The following ABCC1 variants were observed in gnomAD, a reference collection of about 807,000 sequenced individuals.
ABCC1 encodes ATP binding cassette subfamily C member 1 (ABCC1 blood group).
Under a neutral mutation model 172.9 loss-of-function variants are expected in ABCC1, and 83 were observed. The ratio of observed to expected loss-of-function variants is 0.48; its 90% CI spans 0.40 to 0.58. The LOEUF (loss-of-function observed/expected upper bound fraction) is 0.58. Among genes scored for constraint, ABCC1 ranks in the 20% least tolerant of loss-of-function variants. The probability of loss-of-function intolerance (pLI) is 0.00; values close to 1 mark genes in which losing one functional copy is unlikely to be tolerated. For missense variants in ABCC1, 1,817 were observed against 2,002.7 expected (o/e 0.91, Z 1.77); for synonymous variants, 937 against 825.2 (o/e 1.14, Z -2.32).
At chr16:15,996,896 G>T (rs900234548) in intron 1 of ABCC1, among the ~76,000 whole-genome samples, 1 of 152,134 alleles carries the variant, frequency 6.6e-6, no homozygotes, top group Admixed American at 6.6e-5. Context: ...ATTCAGCCCA[G>T]AAAACATGAC....
At chr16:16,127,068 A>G (rs1241040041) in intron 26 of ABCC1, among the ~76,000 whole-genome samples, 1 of 152,182 alleles carries the variant, frequency 6.6e-6, no homozygotes, top group African/African-American at 2.4e-5. Flanking sequence ...ACAGCAGCAC[A>G]AGTAGGAACA....
At chr16:15,994,290 G>T (rs921147748) in intron 1 of ABCC1, among the ~76,000 whole-genome samples, 6 of 152,136 alleles carry the variant, frequency 3.9e-5, no homozygotes, top group Admixed American at 3.9e-4. Context: ...AGAGGTGGTG[G>T]ATCTCAGTGT....
chr16:16,059,323 C>G (rs964775462), intron 12 of ABCC1, among the ~76,000 whole-genome samples: 1 of 152,104 alleles, frequency 6.6e-6, no homozygotes, highest in Non-Finnish European at 1.5e-5. Flanking sequence ...TTCGGAATTC[C>G]GGGCCATACA....
At chr16:16,071,414 T>G (rs1480818620) in intron 13 of ABCC1, among the ~76,000 whole-genome samples, 2 of 152,136 alleles carry the variant, frequency 1.3e-5, no homozygotes, top group African/African-American at 4.8e-5. Context: ...CCATTTTTTC[T>G]GAAATACCTT....
intron 1 of ABCC1, among the ~76,000 whole-genome samples, chr16:15,980,274 G>A (rs1272376746): frequency 6.6e-6 from 1 of 152,154 alleles, no homozygotes; most frequent in East Asian, 1.9e-4. Flanking sequence ...AGAGGCCAAG[G>A]TGGGAAGATT....
At chr16:16,019,185 A>T (rs571366846) in intron 5 of ABCC1, among the ~76,000 whole-genome samples, 1 of 151,510 alleles carries the variant, frequency 6.6e-6, no homozygotes, top group Non-Finnish European at 1.5e-5. Flanking sequence ...GCCCACTGCA[A>T]CCCCGCCTCC....
intron 23 of ABCC1, 144 bp from the exon 24 acceptor site, chr16:16,121,831 G>T: frequency 1.4e-6 from 1 of 721,310 alleles, no homozygotes; most frequent in Non-Finnish European, 2.3e-6. Flanking sequence ...AGGTGAGTGG[G>T]CACCCCTGTG....
At chr16:16,040,064 T>TGTATGTATGTATGTA (rs34325137) in intron 7 of ABCC1, among the ~76,000 whole-genome samples, 19 of 134,780 alleles carry the variant, frequency 1.4e-4, no homozygotes, top group East Asian at 4.2e-4. Flanking sequence ...GTTTGTTTGT[T>TGTATGTATGTATGTA]TGTATGTATG....
chr16:16,045,528 C>G (rs1313114871), intron 8 of ABCC1, among the ~76,000 whole-genome samples: 1 of 152,082 alleles, frequency 6.6e-6, no homozygotes, highest in Admixed American at 6.6e-5. Context: ...GCTACACATC[C>G]CTTCTCTTTT....
rs1228626811 is a variant in ABCC1, at chr16:16,009,638, T to G, written c.226-138T>G. On this transcript the variant is annotated intron_variant, in intron 2 of 30. Transcript: ENST00000399410. ...GGACTTGTCCTTATTCCAGTGGATA[T>G]GTGCCATGTCCTAGGACTGTGGCTG... The G allele has an allele frequency of 3.5e-6, 3 of 856,058 alleles. No individual in the cohort carries two copies. The African/African-American group carries it at 5.3e-5, about 15-fold the overall frequency. 53.0% of individuals were successfully genotyped at this position (856,058 alleles called of 1,614,324 possible). A position where few individuals can be genotyped will look rare whatever the true frequency, so the allele number is the denominator to read the frequency against.
intron 30 of ABCC1, 133 bp downstream of exon 30, chr16:16,138,691 A>C: frequency 1.8e-6 from 1 of 551,486 alleles, no homozygotes; most frequent in South Asian, 5.2e-5. Flanking sequence ...TCCTCTCTTC[A>C]TCCTGGATGG....
rs1437704414 is a variant in ABCC1, at chr16:16,048,133, G to T, written c.1219-9G>T. ...CACTCACCCACCTTCCCTCTCCTTT[G>T]TCCCACAGGCCCTGGTGATCACCAA... is the stretch of plus-strand genomic sequence containing the variant. On this transcript the variant is annotated splice_polypyrimidine_tract_variant and intron_variant, in intron 9 of 30. Coordinates refer to ENST00000399410, the MANE Select transcript of ABCC1 (RefSeq NM_004996.4). 1.2e-6 allele frequency: 2 copies of T among 1,613,972 alleles called. No homozygotes were observed. Among genetic ancestry groups the T allele is most frequent in the Non-Finnish European group, 1.7e-6 (2 of 1,179,966 alleles).
chr16:16,086,624 TTTC>T (rs1198581509), intron 17 of ABCC1, among the ~76,000 whole-genome samples, 197 bp from the exon 18 acceptor site: 1 of 89,438 alleles, frequency 1.1e-5, no homozygotes, highest in African/African-American at 8.8e-5. Context: ...TGGCTAATTT[TTTC>T]TTTTCTTTTC....
intron 21 of ABCC1, among the ~76,000 whole-genome samples, chr16:16,108,070 A>G (rs2052215454): frequency 6.6e-6 from 1 of 151,906 alleles, no homozygotes; most frequent in Non-Finnish European, 1.5e-5. Flanking sequence ...CTCTCGCCTT[A>G]CCCTTAGTGA....
rs140917672 is a variant in ABCC1 at position 16,082,137 on chromosome 16, G to A, written c.2116-1229G>A. On this transcript the variant is annotated intron_variant, in intron 16 of 30. Transcript: ENST00000399410. Reference sequence around the variant, plus strand: ...CAGTCGTTCCCTCACAGGATTGATCGATGTTCCTGTCACGCTGGCCTTTCT... The same window carrying A: ...CAGTCGTTCCCTCACAGGATTGATCAATGTTCCTGTCACGCTGGCCTTTCT... Among the ~76,000 whole-genome samples, 83 of 152,296 alleles carry A rather than the reference G, an allele frequency of 5.4e-4. No homozygotes were observed. The East Asian group carries it at 0.012, about 22-fold the overall frequency.
intron 5 of ABCC1, among the ~76,000 whole-genome samples, chr16:16,025,870 C>T (rs188105455): frequency 2.7e-3 from 411 of 152,286 alleles, no homozygotes; most frequent in African/African-American, 9.4e-3. Flanking sequence ...GAAAGAGGGA[C>T]CAGTTCACAA....
At position 16,090,551 on chromosome 16, in the gene ABCC1, T is replaced by G. The variant is rs772452838; in HGVS notation, c.2607T>G (p.Tyr869Ter). 6.2e-7 allele frequency: 1 copy of G among 1,612,574 alleles called. No individual in the cohort carries two copies. ...CCTTCGCTGAGTTCCTGCGTACCTA[T>G]GCCAGCACAGAGCAGGAGCAGGATG... is the stretch of plus-strand genomic sequence containing the variant. ...DGAFAEFLRTYASTEQEQDAE... is the reference protein window; with the variant it reads ...DGAFAEFLRT The change falls in exon 19 of 31, where the codon TAT (tyrosine) becomes TAG (stop). Residue 869 changes from tyrosine to a stop codon, truncating the protein, a stop_gained. Transcript: ENST00000399410. LOFTEE classifies it high-confidence loss of function.
chr16:16,092,588 C>T (rs1041302714), intron 19 of ABCC1, among the ~76,000 whole-genome samples: 5 of 152,178 alleles, frequency 3.3e-5, no homozygotes, highest in Non-Finnish European at 7.3e-5. Flanking sequence ...TGCCATTGTG[C>T]AGATAGACCA....
At chr16:15,971,954 G>A (rs1455050453) in intron 1 of ABCC1, among the ~76,000 whole-genome samples, 1 of 151,990 alleles carries the variant, frequency 6.6e-6, no homozygotes. Flanking sequence ...CAGAGGGTGG[G>A]GGGCTCCAAA....
Sources: allele counts gnomAD v4.1 joint callset (sites outside exome capture counted in the v4.1 genomes callset), GRCh38; gene constraint gnomAD v4.1.1; transcripts MANE v1.5; gene names NCBI Gene and HGNC (gene_info 2026-07-23, HGNC 2026-07-21).